Variants in DAB1 observed in about 807,000 individuals in gnomAD.
DAB1 encodes the protein disabled homolog 1.
A neutral mutation model predicts 64.6 loss-of-function variants in DAB1; 15 were observed. The observed-to-expected ratio is 0.23, with a 90% CI of 0.16 to 0.36. The LOEUF is 0.36. Among genes scored for constraint, DAB1 ranks in the 10% least tolerant of loss-of-function variants. The probability of loss-of-function intolerance (pLI) is 1.00; values close to 1 mark genes in which losing one functional copy is unlikely to be tolerated. For missense variants in DAB1, 596 were observed against 706.7 expected, an observed-to-expected ratio of 0.84 and a Z score of 1.78; for synonymous variants, 235 against 251.9, an observed-to-expected ratio of 0.93 and a Z score of 0.64.
intron 1 of DAB1, among the ~76,000 whole-genome samples, chr1:57,338,075 C>T (rs898299035): frequency 1.8e-4 from 27 of 152,144 alleles, no homozygotes; most frequent in Non-Finnish European, 3.4e-4. Flanking sequence ...GCCTCAACTT[C>T]CCAGTTTCAG....
chr1:57,694,951 A>G (rs1204077094), intron 6 of DAB1, among the ~76,000 whole-genome samples: 2 of 152,152 alleles, frequency 1.3e-5, no homozygotes, highest in Non-Finnish European at 2.9e-5. Flanking sequence ...ATCTTAAAAA[A>G]AATCCCTTAA....
intron 5 of DAB1, among the ~76,000 whole-genome samples, chr1:57,913,582 A>G (rs1366125678): frequency 6.6e-6 from 1 of 152,250 alleles, no homozygotes; most frequent in East Asian, 1.9e-4. Flanking sequence ...ACAAAAGCCA[A>G]AATTGACAAA....
chr1:58,324,688 T>C (rs959584443), intron 4 of DAB1, among the ~76,000 whole-genome samples: 3 of 152,212 alleles, frequency 2.0e-5, no homozygotes, highest in Admixed American at 1.3e-4. Flanking sequence ...TCTTGGCTGA[T>C]CATGTCTAAA....
At chr1:57,838,724 T>C (rs1652920427) in intron 1 of DAB1, among the ~76,000 whole-genome samples, 1 of 151,984 alleles carries the variant, frequency 6.6e-6, no homozygotes, top group Non-Finnish European at 1.5e-5. Flanking sequence ...ACTGGCTCAT[T>C]GCAGAGACTT....
At chr1:57,149,593 A>G (rs553558624) in intron 2 of DAB1, among the ~76,000 whole-genome samples, 3 of 152,242 alleles carry the variant, frequency 2.0e-5, no homozygotes, top group East Asian at 1.9e-4. Context: ...AATGATGTTG[A>G]GCATCTTTTC....
intron 6 of DAB1, among the ~76,000 whole-genome samples, chr1:57,805,691 A>G (rs569766687): frequency 1.4e-4 from 21 of 152,276 alleles, no homozygotes; most frequent in Admixed American, 3.3e-4. Flanking sequence ...TCCAATAGGC[A>G]TCTCACACTT....
intron 2 of DAB1, among the ~76,000 whole-genome samples, chr1:57,197,067 G>T (rs903613756): frequency 6.6e-6 from 1 of 152,166 alleles, no homozygotes; most frequent in Admixed American, 6.5e-5. Flanking sequence ...CAGGCGCCGT[G>T]GCTAACGCCT....
At chr1:58,488,271 T>C (rs1468948084) in intron 3 of DAB1, among the ~76,000 whole-genome samples, 1 of 152,218 alleles carries the variant, frequency 6.6e-6, no homozygotes, top group Non-Finnish European at 1.5e-5. Context: ...ATTTTTGTTA[T>C]ATTAATTTTA....
At chr1:57,606,670 GAAATATATATTATGTATGAAAT>G (rs1244473578) in intron 7 of DAB1, among the ~76,000 whole-genome samples, 1 of 58,638 alleles carries the variant, frequency 1.7e-5, no homozygotes, top group Non-Finnish European at 3.4e-5. Flanking sequence ...AAATATATAT[GAAATATATATTATGTATGAAAT>G]ATATATATGA....
At position 57,934,063 on chromosome 1, in the gene DAB1, TTGTGTGTGTG is replaced by T. The variant is rs55848780; in HGVS notation, n.388-49911_388-49902del. On this transcript the variant is annotated intron_variant and non_coding_transcript_variant, in intron 5 of 20. Transcript: ENST00000485760. Reference sequence around the variant, plus strand: ...GGCGTCCGCCACCAAGCCCAGCTAATTGTGTGTGTGTGTGTGTGTGTGTGTGTGTGTGTGT... The same window carrying T: ...GGCGTCCGCCACCAAGCCCAGCTAATTGTGTGTGTGTGTGTGTGTGTGTGT... 6.1e-3 allele frequency among the ~76,000 whole-genome samples: 784 copies of T among 128,102 alleles called. 13 individuals carry two copies. The highest frequency in any genetic ancestry group is 4.1e-3 in the Non-Finnish European group (248 of 61,044). 84.0% of individuals were successfully genotyped at this position (128,102 alleles called of 152,430 possible). A position where few individuals can be genotyped will look rare whatever the true frequency, so the allele number is the denominator to read the frequency against.
rs962942629 is a variant in DAB1, at chr1:58,349,609, G to T, written n.258-6206C>A. 6.6e-5 allele frequency among the ~76,000 whole-genome samples: 10 copies of T among 151,948 alleles called. 1 individual carries two copies. Among genetic ancestry groups the T allele is most frequent in the Admixed American group, 5.2e-4 (8 of 15,256 alleles). ...TTCTCCTAATGCTATCCCTCCCCTA[G>T]ACGCCCACCCCTCGACAGGCCCTGG... On this transcript the variant is annotated intron_variant and non_coding_transcript_variant, in intron 3 of 20. Transcript: ENST00000485760.
At chr1:57,151,262 T>C (rs1659642396) in intron 2 of DAB1, among the ~76,000 whole-genome samples, 1 of 152,148 alleles carries the variant, frequency 6.6e-6, no homozygotes, top group South Asian at 2.1e-4. Flanking sequence ...AGTATAAGGC[T>C]GTAATTAATT....
At chr1:57,002,471 T>A (rs1459603106) in intron 14 of DAB1, among the ~76,000 whole-genome samples, 1 of 152,236 alleles carries the variant, frequency 6.6e-6, no homozygotes, top group African/African-American at 2.4e-5. Context: ...TTTCTCTGAA[T>A]TGGATGCTGT....
At chr1:58,508,684 T>C (rs888405375) in intron 2 of DAB1, among the ~76,000 whole-genome samples, 1 of 152,114 alleles carries the variant, frequency 6.6e-6, no homozygotes, top group Non-Finnish European at 1.5e-5. Flanking sequence ...GCCAGCCTTG[T>C]AGCACTGATG....
chr1:58,510,041 T>C (rs778256934), intron 2 of DAB1, among the ~76,000 whole-genome samples: 5 of 152,090 alleles, frequency 3.3e-5, no homozygotes, highest in Admixed American at 2.6e-4. Context: ...ACCTCACTGG[T>C]GAATGCCACC....
intron 14 of DAB1, among the ~76,000 whole-genome samples, chr1:57,004,856 C>T (rs905093541): frequency 6.6e-6 from 1 of 151,806 alleles, no homozygotes. Context: ...TCTCACCTAT[C>T]TGCACCCCAG....
At chr1:57,037,890 A>G (rs1391703189) in intron 9 of DAB1, among the ~76,000 whole-genome samples, 1 of 152,238 alleles carries the variant, frequency 6.6e-6, no homozygotes, top group South Asian at 2.1e-4. Flanking sequence ...GCCCTGTCCA[A>G]TAGAACTTCT....
intron 6 of DAB1, among the ~76,000 whole-genome samples, chr1:57,755,374 T>G (rs1360844315): frequency 1.3e-5 from 2 of 152,194 alleles, no homozygotes; most frequent in African/African-American, 4.8e-5. Context: ...AATAAAGGTT[T>G]GTATATGTGT....
In DAB1 at chr1:58,056,197, C is replaced by T. The variant is rs186667278; in HGVS notation, n.387+94314G>A. The T allele has an allele frequency of 6.7e-3, 10,282 of 1,526,620 alleles. 49 individuals are homozygous for T. The highest frequency in any genetic ancestry group is 8.3e-3 in the Non-Finnish European group (9,234 of 1,115,614). The allele number at this position is 1,526,620 out of a possible 1,614,324, so 94.6% of individuals were successfully genotyped here. On this transcript the variant is annotated intron_variant and non_coding_transcript_variant, in intron 5 of 20. Transcript: ENST00000485760. Reference sequence around the variant, plus strand: ...AGGTCTAAATCGGGATGGGGGTGTTCGGTCCTTGCGGGCTTCACGAGATCG... The same window carrying T: ...AGGTCTAAATCGGGATGGGGGTGTTTGGTCCTTGCGGGCTTCACGAGATCG...
Sources: gnomAD v4.1 joint callset for allele counts (sites outside exome capture counted in the v4.1 genomes callset) on GRCh38, gnomAD v4.1.1 for gene constraint, MANE v1.5 for transcripts, NCBI Gene and HGNC (gene_info 2026-07-23, HGNC 2026-07-21) for gene names.